The following TRAT1 variants were observed in gnomAD, a reference collection of about 807,000 sequenced individuals.
The protein encoded by TRAT1 is T-cell receptor-associated transmembrane adapter 1.
TRAT1 carries 20 observed loss-of-function variants against 20.0 expected under a neutral mutation model. That is an observed-to-expected ratio of 1.00 (90% CI 0.70 to 1.45). The LOEUF (loss-of-function observed/expected upper bound fraction) is 1.45. Among genes scored for constraint, TRAT1 ranks in the 40% most tolerant of loss-of-function variants. TRAT1 has a pLI of 0.00. For synonymous variants in TRAT1, 77 were observed against 74.2 expected (o/e 1.04, Z -0.20); for missense variants, 237 against 224.1 (o/e 1.06, Z -0.37).
chr3:108,827,384 A>ATGTGTGTGTGTGTGTGTGTG (rs71103493), intron 1 of TRAT1, among the ~76,000 whole-genome samples: 1 of 145,114 alleles, frequency 6.9e-6, no homozygotes, highest in African/African-American at 2.6e-5. Flanking sequence ...GTATGTGTGT[A>ATGTGTGTGTGTGTGTGTGTG]TGTGTGTGTG....
At position 108,830,726 on chromosome 3, in the gene TRAT1, T is replaced by G; in HGVS notation, c.64T>G (p.Leu22Val). ...ACTTCTAGCATTGTTGGGCTTGGCT[T>G]TGGTTATATCACTGATCTTCAATAT... The part of the protein sequence containing the change: ...WGLLALLGLA[L>V]VISLIFNISH... Residue 22 changes from leucine (L) to valine (V), a missense_variant, in exon 2 of 6, where the codon TTG (leucine) becomes GTG (valine). Physicochemically the swap from Leu to Val is conservative, Grantham distance 32. Transcript: ENST00000295756. 1 of 1,614,002 alleles carries G rather than the reference T, an allele frequency of 6.2e-7. No individual in the cohort carries two copies. Among genetic ancestry groups the G allele is most frequent in the Non-Finnish European group, 8.5e-7 (1 of 1,179,916 alleles).
At chr3:108,843,032 C>T (rs1018441920) in intron 3 of TRAT1, among the ~76,000 whole-genome samples, 10 of 151,442 alleles carry the variant, frequency 6.6e-5, no homozygotes, top group African/African-American at 2.4e-4. Context: ...ATTTGGTGCC[C>T]TCCTGCGCCA....
intron 3 of TRAT1, among the ~76,000 whole-genome samples, chr3:108,844,827 G>C (rs1262495118): frequency 8.9e-6 from 1 of 112,860 alleles, no homozygotes; most frequent in Non-Finnish European, 1.6e-5. Flanking sequence ...CTGGGTGACA[G>C]AGAGAGACTC....
At chr3:108,838,363 TA>T (rs1945859043) in intron 2 of TRAT1, among the ~76,000 whole-genome samples, 5 of 128,144 alleles carry the variant, frequency 3.9e-5, no homozygotes, top group African/African-American at 1.8e-4. Context: ...AGATGATAGA[TA>T]GATAGATAGA....
intron 1 of TRAT1, among the ~76,000 whole-genome samples, chr3:108,829,677 C>T (rs1945774095): frequency 6.6e-6 from 1 of 151,384 alleles, no homozygotes; most frequent in Admixed American, 6.6e-5. Context: ...TATAATGGGG[C>T]TGAAAAACTT....
At chr3:108,832,247 A>C (rs1369597002) in intron 2 of TRAT1, among the ~76,000 whole-genome samples, 1 of 152,168 alleles carries the variant, frequency 6.6e-6, no homozygotes, top group Non-Finnish European at 1.5e-5. Context: ...CTACCAGTAC[A>C]TCCTTCCTTG....
chr3:108,838,779 A>G (rs1945864839), intron 2 of TRAT1, among the ~76,000 whole-genome samples, 155 bp from the exon 3 acceptor site: 1 of 151,914 alleles, frequency 6.6e-6, no homozygotes, highest in South Asian at 2.1e-4. Flanking sequence ...CCAAGAGGAG[A>G]CCTTTAACCC....
At chr3:108,849,525 T>G (rs536796268) in intron 5 of TRAT1, among the ~76,000 whole-genome samples, 2 of 152,248 alleles carry the variant, frequency 1.3e-5, no homozygotes, top group East Asian at 3.9e-4. Flanking sequence ...TGATTGAAAA[T>G]TTTGTGTATA....
rs1945784233 is a variant in TRAT1 at position 108,830,687 on chromosome 3, T to C, written c.25T>C (p.Phe9Leu). MSGISGCP[F>L]FLWGLLALLG... ...ATTTCCAGGAATCTCTGGGTGCCCCTTTTTCCTCTGGGGACTTCTAGCATT... is the reference window on the plus strand; with the variant it reads ...ATTTCCAGGAATCTCTGGGTGCCCCCTTTTCCTCTGGGGACTTCTAGCATT... Residue 9 changes from phenylalanine to leucine, a missense_variant, in exon 2 of 6, where the codon TTT (phenylalanine) becomes CTT (leucine). Phe to Leu is a conservative substitution (Grantham distance 22, BLOSUM62 0). Transcript: ENST00000295756. 6.2e-7 allele frequency: 1 copy of C among 1,610,264 alleles called. No individual in the cohort carries two copies. Among genetic ancestry groups the C allele is most frequent in the Non-Finnish European group, 8.5e-7 (1 of 1,176,550 alleles).
intron 1 of TRAT1, among the ~76,000 whole-genome samples, chr3:108,827,376 A>ATGTG (rs1274698725): frequency 9.2e-6 from 1 of 108,870 alleles, no homozygotes; most frequent in African/African-American, 3.4e-5. Flanking sequence ...GGTATAAAGT[A>ATGTG]TGTGTGTATG....
intron 5 of TRAT1, among the ~76,000 whole-genome samples, chr3:108,852,167 G>C (rs1475121768): frequency 1.3e-5 from 2 of 152,164 alleles, no homozygotes; most frequent in Non-Finnish European, 2.9e-5. Context: ...GATCACCTGA[G>C]ATCAAGTGTT....
chr3:108,840,734 T>G (rs1576522101), intron 3 of TRAT1, among the ~76,000 whole-genome samples: 2 of 152,180 alleles, frequency 1.3e-5, no homozygotes, highest in Non-Finnish European at 2.9e-5. Flanking sequence ...TGTCTTGGGA[T>G]GCACATTTAC....
chr3:108,838,708 C>A (rs1308909507), intron 2 of TRAT1, among the ~76,000 whole-genome samples: 3 of 152,152 alleles, frequency 2.0e-5, no homozygotes, highest in Non-Finnish European at 4.4e-5. Context: ...GCTCTGGTTT[C>A]TCTTCAAGTC....
At chr3:108,830,805 A>C (rs369801590) in intron 2 of TRAT1, 25 bp downstream of exon 2, 15 of 1,463,574 alleles carry the variant, frequency 1.0e-5, no homozygotes, top group Non-Finnish European at 1.4e-5. Flanking sequence ...CAAATTTCAC[A>C]TGGTACCTGC....
At position 108,853,969 on chromosome 3, in the gene TRAT1, CA is replaced by C. The variant is rs1946023358; in HGVS notation, c.*93del. On this transcript the variant is annotated 3_prime_UTR_variant, in exon 6 of 6. Transcript: ENST00000295756. ...CAGAGGACACAGAAGGACTTGGCAG[CA>C]GGGTGATGACCTGATCATTTGTTGA... 1.6e-6 allele frequency: 2 copies of C among 1,262,226 alleles called. No individual in the cohort carries two copies. Among genetic ancestry groups the C allele is most frequent in the South Asian group, 2.7e-5 (2 of 74,180 alleles). 78.2% of individuals were successfully genotyped at this position (1,262,226 alleles called of 1,614,324 possible).
chr3:108,844,842 T>C (rs1165911477), intron 3 of TRAT1, among the ~76,000 whole-genome samples: 13 of 30,818 alleles, frequency 4.2e-4, no homozygotes, highest in African/African-American at 3.9e-3. Context: ...AGACTCTGTC[T>C]CAAAAAAAAA....
intron 2 of TRAT1, among the ~76,000 whole-genome samples, chr3:108,836,044 C>T (rs776341528): frequency 5.9e-5 from 9 of 152,094 alleles, no homozygotes; most frequent in Non-Finnish European, 1.3e-4. Flanking sequence ...CTCAGCCTCC[C>T]GAGTAGCTGG....
At chr3:108,844,800 C>T (rs1328967780) in intron 3 of TRAT1, among the ~76,000 whole-genome samples, 2 of 134,962 alleles carry the variant, frequency 1.5e-5, no homozygotes, top group East Asian at 2.1e-4. Flanking sequence ...GCCGAGATTG[C>T]GCCACTGCAC....
chr3:108,853,528 C>A, intron 5 of TRAT1, 92 bp from the exon 6 acceptor site: 1 of 1,472,622 alleles, frequency 6.8e-7, no homozygotes, highest in Non-Finnish European at 9.1e-7. Flanking sequence ...GCCTAGAAAA[C>A]AAGTTACTTG....
Sources: gnomAD v4.1 joint callset for allele counts (sites outside exome capture counted in the v4.1 genomes callset) on GRCh38, gnomAD v4.1.1 for gene constraint, MANE v1.5 for transcripts, NCBI Gene and HGNC (gene_info 2026-07-23, HGNC 2026-07-21) for gene names.